Variants in SEMA5A observed in about 807,000 individuals in gnomAD.
SEMA5A encodes semaphorin-5A.
A neutral mutation model predicts 135.5 loss-of-function variants in SEMA5A; 55 were observed. The observed-to-expected ratio is 0.41, with a 90% CI of 0.33 to 0.51. The LOEUF is 0.51. SEMA5A is among the 20% of genes least tolerant of loss of function. The pLI, the probability that SEMA5A is intolerant of heterozygous loss-of-function variation, is 0.37. For synonymous variants in SEMA5A, 580 were observed against 546.5 expected (o/e 1.06, Z -0.85); for missense variants, 1,290 against 1,419.9 (o/e 0.91, Z 1.47).
chr5:9,383,947 C>T (rs1238232300), intron 2 of SEMA5A, among the ~76,000 whole-genome samples: 1 of 152,140 alleles, frequency 6.6e-6, no homozygotes, highest in Admixed American at 6.5e-5. Flanking sequence ...AGAGAATGAG[C>T]AGCTAAAATG....
intron 4 of SEMA5A, among the ~76,000 whole-genome samples, chr5:9,334,163 G>A (rs558871200): frequency 3.6e-4 from 55 of 151,942 alleles, no homozygotes; most frequent in Admixed American, 3.2e-3. Context: ...AGTATCACTA[G>A]TATAAAGTGA....
At chr5:9,524,875 C>T (rs576598057) in intron 1 of SEMA5A, among the ~76,000 whole-genome samples, 1 of 152,276 alleles carries the variant, frequency 6.6e-6, no homozygotes, top group Admixed American at 6.5e-5. Flanking sequence ...CAGTCATATA[C>T]TAACCATATA....
chr5:9,543,323 T>A lies in SEMA5A; in HGVS notation c.-175+2261A>T, dbSNP rs531948434. Among the ~76,000 whole-genome samples the A allele has an allele frequency of 2.0e-5, 3 of 152,344 alleles. No individual in the cohort carries two copies. In the South Asian group the frequency reaches 6.2e-4, roughly 32 times the overall value. On this transcript the variant is annotated intron_variant, in intron 1 of 22. Transcript: ENST00000382496. ...ATAAATGTGCTTGTATTTATTTCGGTCTCGTGGTCAATAAGTTTTAACAGC... is the reference window on the plus strand; with the variant it reads ...ATAAATGTGCTTGTATTTATTTCGGACTCGTGGTCAATAAGTTTTAACAGC...
chr5:9,531,920 T>C (rs995444351), intron 1 of SEMA5A, among the ~76,000 whole-genome samples: 2 of 152,104 alleles, frequency 1.3e-5, no homozygotes, highest in Admixed American at 6.5e-5. Context: ...CATAAGCCCC[T>C]CTCTAAGAAG....
Position 9,038,682 on chromosome 5 carries a change from CCT to C in SEMA5A, c.*4213_*4214del, listed in dbSNP as rs1735782639. On this transcript the variant is annotated 3_prime_UTR_variant, in exon 23 of 23. Transcript: ENST00000382496. ...TATTCAATTATACGCTAATGGATCC[CCT>C]TAGAGAGCCACTTGGGGACATAGAG... is the stretch of plus-strand genomic sequence containing the variant. 1 of 151,454 alleles carries C rather than the reference CCT, an allele frequency of 6.6e-6. No homozygotes were observed. Among genetic ancestry groups the C allele is most frequent in the African/African-American group, 2.4e-5 (1 of 41,214 alleles). The allele number at this position is 151,454 out of a possible 1,614,324, so 9.4% of individuals were successfully genotyped here. A position where few individuals can be genotyped will look rare whatever the true frequency, so the allele number is the denominator to read the frequency against.
intron 1 of SEMA5A, among the ~76,000 whole-genome samples, chr5:9,483,873 A>G (rs1759975474): frequency 6.6e-6 from 1 of 152,216 alleles, no homozygotes; most frequent in Admixed American, 6.5e-5. Context: ...ACAAATAAAA[A>G]GCCCACTAAA....
intron 18 of SEMA5A, among the ~76,000 whole-genome samples, chr5:9,056,684 T>C (rs1736911729): frequency 2.0e-5 from 3 of 152,298 alleles, no homozygotes; most frequent in South Asian, 4.1e-4. Context: ...ATGGTGCCAA[T>C]GCATCCAGCA....
At position 9,197,158 on chromosome 5, in the gene SEMA5A, C is replaced by T. The variant is rs536686107; in HGVS notation, c.1068+10G>A. 174 of 1,614,028 alleles carry T rather than the reference C, an allele frequency of 1.1e-4. 1 individual carries two copies. In the South Asian group the frequency reaches 1.3e-3, roughly 12 times the overall value. Reference sequence around the variant, plus strand: ...ATGCCAACAGTGCCCCTTTGCCCCCCGAAAATTACCTGGAAGTGGGGGTTT... The same window carrying T: ...ATGCCAACAGTGCCCCTTTGCCCCCTGAAAATTACCTGGAAGTGGGGGTTT... On this transcript the variant is annotated intron_variant, in intron 10 of 22. Coordinates refer to ENST00000382496, the MANE Select transcript of SEMA5A (RefSeq NM_003966.3).
chr5:9,309,221 G>C (rs1752010075), intron 5 of SEMA5A, among the ~76,000 whole-genome samples: 1 of 152,086 alleles, frequency 6.6e-6, no homozygotes. Context: ...ATTCCTGCTT[G>C]TTATTTACAG....
At chr5:9,396,864 G>A (rs1756427557) in intron 2 of SEMA5A, among the ~76,000 whole-genome samples, 1 of 152,256 alleles carries the variant, frequency 6.6e-6, no homozygotes, top group Non-Finnish European at 1.5e-5. Flanking sequence ...TGACCATCAT[G>A]TCTGCCTCTG....
intron 5 of SEMA5A, among the ~76,000 whole-genome samples, chr5:9,262,896 T>TAA (rs200691633): frequency 0.011 from 1,232 of 114,956 alleles, 28 homozygotes; most frequent in African/African-American, 0.038. Context: ...TAGATTATAA[T>TAA]AAAAAAAAAA....
In SEMA5A at chr5:9,204,831, C is replaced by T. The variant is rs919739798; in HGVS notation, c.647-2591G>A. On this transcript the variant is annotated intron_variant, in intron 8 of 22. Coordinates refer to ENST00000382496, the MANE Select transcript of SEMA5A (RefSeq NM_003966.3). This position sits in a 1 kb window ranked among gnomAD's most constrained non-coding sequence, Gnocchi z 6.4. ...ATGAATGTTACCTCCTGAGCTCCGC[C>T]TCCCGTCAGATCAGTGGCAGCATTA... Among the ~76,000 whole-genome samples the T allele has an allele frequency of 6.6e-6, 1 of 152,168 alleles. No individual in the cohort carries two copies. The highest frequency in any genetic ancestry group is 2.4e-5 in the African/African-American group (1 of 41,436).
At chr5:9,355,712 A>G (rs1754411442) in intron 3 of SEMA5A, among the ~76,000 whole-genome samples, 1 of 152,182 alleles carries the variant, frequency 6.6e-6, no homozygotes, top group Admixed American at 6.5e-5. Flanking sequence ...CAACATAAAG[A>G]TGTCATTTAA....
chr5:9,230,534 G>T (rs1747571468), intron 6 of SEMA5A, among the ~76,000 whole-genome samples: 1 of 152,160 alleles, frequency 6.6e-6, no homozygotes, highest in African/African-American at 2.4e-5. Context: ...GACCACGTGA[G>T]AATACATGAA....
intron 3 of SEMA5A, among the ~76,000 whole-genome samples, chr5:9,353,985 A>G (rs1280863681): frequency 4.0e-5 from 6 of 151,838 alleles, no homozygotes; most frequent in Non-Finnish European, 8.8e-5. Flanking sequence ...AAAAAAAAAA[A>G]AAAGAAACAA....
At chr5:9,194,859 C>G (rs1470178114) in intron 10 of SEMA5A, among the ~76,000 whole-genome samples, 1 of 152,136 alleles carries the variant, frequency 6.6e-6, no homozygotes, top group Admixed American at 6.5e-5. Flanking sequence ...AAACCAGTCG[C>G]TCCTGGCCTT....
intron 12 of SEMA5A, among the ~76,000 whole-genome samples, chr5:9,148,712 A>ATTTTG (rs1252453392): frequency 2.6e-5 from 4 of 151,886 alleles, no homozygotes; most frequent in East Asian, 1.9e-4. Context: ...TCACCTGGCC[A>ATTTTG]TTTTGTTTTG....
chr5:9,504,587 G>C (rs1735774260), intron 1 of SEMA5A, among the ~76,000 whole-genome samples: 1 of 152,196 alleles, frequency 6.6e-6, no homozygotes, highest in African/African-American at 2.4e-5. Context: ...GAGGCGCAAG[G>C]GGAATGCTTC....
chr5:9,356,944 T>C (rs2463505), intron 3 of SEMA5A, among the ~76,000 whole-genome samples: 5,630 of 152,242 alleles, frequency 0.037, 171 homozygotes, highest in South Asian at 0.13. Context: ...ACATATTCAG[T>C]GAGCCTGACT....
Sources: allele counts gnomAD v4.1 joint callset (sites outside exome capture counted in the v4.1 genomes callset), GRCh38; gene constraint gnomAD v4.1.1; non-coding constraint Gnocchi (gnomAD v3.1); transcripts MANE v1.5; gene names NCBI Gene and HGNC (gene_info 2026-07-23, HGNC 2026-07-21).